DOCK7: variants seen among roughly 807,000 people sequenced by gnomAD.
The protein encoded by DOCK7 is dedicator of cytokinesis protein 7.
DOCK7 carries 138 observed loss-of-function variants against 271.0 expected under a neutral mutation model. The observed-to-expected ratio is 0.51, with a 90% CI of 0.44 to 0.59. The LOEUF (loss-of-function observed/expected upper bound fraction) is 0.59. Among genes scored for constraint, DOCK7 ranks in the 20% least tolerant of loss-of-function variants. The probability of loss-of-function intolerance (pLI) is 0.00; values close to 1 mark genes in which losing one functional copy is unlikely to be tolerated. For missense variants in DOCK7, 2,066 were observed against 2,592.4 expected, an observed-to-expected ratio of 0.80 and a Z score of 4.41; for synonymous variants, 823 against 876.1, an observed-to-expected ratio of 0.94 and a Z score of 1.07.
chr1:62,655,981 A>G (rs1009345302), intron 2 of DOCK7, among the ~76,000 whole-genome samples: 2 of 152,224 alleles, frequency 1.3e-5, no homozygotes, highest in Non-Finnish European at 2.9e-5. Flanking sequence ...TTCGAGCTCT[A>G]AAATTTTTTC....
chr1:62,590,507 T>C (rs931097243), intron 14 of DOCK7, among the ~76,000 whole-genome samples: 1 of 152,160 alleles, frequency 6.6e-6, no homozygotes, highest in African/African-American at 2.4e-5. Context: ...TCCAGTGTGA[T>C]AGGTACTGAG....
At chr1:62,654,405 A>T (rs1657739457) in intron 2 of DOCK7, among the ~76,000 whole-genome samples, 2 of 152,154 alleles carry the variant, frequency 1.3e-5, no homozygotes, top group Non-Finnish European at 2.9e-5. Flanking sequence ...ACTCTCACAT[A>T]AAAACACTAG....
At chr1:62,602,159 T>C in intron 14 of DOCK7, 1 of 769,810 alleles carries the variant, frequency 1.3e-6, no homozygotes, top group Middle Eastern at 3.8e-4. Context: ...TAATAAAATG[T>C]ATTGCCATAA....
intron 48 of DOCK7, among the ~76,000 whole-genome samples, chr1:62,465,965 A>G (rs1645665321): frequency 6.6e-6 from 1 of 152,264 alleles, no homozygotes; most frequent in Admixed American, 6.5e-5. Context: ...TCATTACACG[A>G]CAAGGCAAAG....
At chr1:62,475,586 G>A (rs1052380231) in intron 46 of DOCK7, 121 bp downstream of exon 46, 2 of 1,114,788 alleles carry the variant, frequency 1.8e-6, no homozygotes, top group Admixed American at 2.3e-5. Context: ...TCAAAAATGG[G>A]TAAAGTTCTA....
intron 14 of DOCK7, chr1:62,597,806 G>C: frequency 6.2e-7 from 1 of 1,613,372 alleles, no homozygotes; most frequent in Non-Finnish European, 8.5e-7. Context: ...TATTTGATCA[G>C]TCTTTTTATG....
At chr1:62,474,996 A>T (rs183338411) in intron 47 of DOCK7, among the ~76,000 whole-genome samples, 1 of 152,336 alleles carries the variant, frequency 6.6e-6, no homozygotes, top group Admixed American at 6.5e-5. Context: ...TGTTTTAAAG[A>T]TCACATTCTT....
Position 62,552,850 on chromosome 1 carries a change from G to A in DOCK7, c.2648C>T (p.Ala883Val), listed in dbSNP as rs780267717. The A allele has an allele frequency of 9.3e-6, 15 of 1,613,414 alleles. No individual in the cohort carries two copies. Among genetic ancestry groups the A allele is most frequent in the African/African-American group, 4.0e-5 (3 of 74,782 alleles). The part of the protein sequence containing the change: ...SVHYATMARS[A>V]VRPASLNLNR... ...TAAATTAAGGCTTGCAGGTCTCACCGCAGATCTAGCCATTGTGGCATAATG... is the reference window on the plus strand; with the variant it reads ...TAAATTAAGGCTTGCAGGTCTCACCACAGATCTAGCCATTGTGGCATAATG... Residue 883 changes from alanine to valine, a missense_variant, in exon 22 of 50, where the codon GCG (alanine) becomes GTG (valine). This residue lies in a region of DOCK7 where 1,414 missense variants were observed against 1,670.4 expected (regional missense o/e 0.85). Transcript: ENST00000635253.
intron 1 of DOCK7, among the ~76,000 whole-genome samples, chr1:62,687,424 T>C (rs1661913480): frequency 6.6e-6 from 1 of 152,246 alleles, no homozygotes; most frequent in African/African-American, 2.4e-5. Flanking sequence ...ACTTCAAGAC[T>C]GCTAACATAT....
intron 31 of DOCK7, among the ~76,000 whole-genome samples, chr1:62,527,477 A>G (rs1645043889): frequency 1.3e-5 from 2 of 152,120 alleles, no homozygotes; most frequent in Admixed American, 1.3e-4. Context: ...ATGTCCAACA[A>G]TGATAGACTG....
intron 29 of DOCK7, among the ~76,000 whole-genome samples, chr1:62,535,060 GC>G (rs61393465): frequency 0.35 from 53,792 of 151,934 alleles, 9,877 homozygotes; most frequent in African/African-American, 0.45. Context: ...CTGCACTCCA[GC>G]CCGGGTGACA....
chr1:62,669,721 G>A (rs1056831629), intron 1 of DOCK7, among the ~76,000 whole-genome samples: 2 of 152,050 alleles, frequency 1.3e-5, no homozygotes, highest in Non-Finnish European at 2.9e-5. Context: ...AGGTGACAGC[G>A]TGCTGGCAGT....
intron 2 of DOCK7, among the ~76,000 whole-genome samples, chr1:62,662,779 A>T (rs534165530): frequency 9.1e-4 from 139 of 152,250 alleles, no homozygotes; most frequent in African/African-American, 3.2e-3. Flanking sequence ...AAGAAAAAAA[A>T]GTTCTAAATG....
chr1:62,526,880 T>C (rs962337640), intron 31 of DOCK7, among the ~76,000 whole-genome samples: 7 of 152,188 alleles, frequency 4.6e-5, no homozygotes, highest in African/African-American at 1.2e-4. Flanking sequence ...GGCAATTCTA[T>C]AGATAGAAGT....
At chr1:62,634,560 A>C (rs1655022929) in intron 9 of DOCK7, 1 of 399,948 alleles carries the variant, frequency 2.5e-6, no homozygotes. Flanking sequence ...TATATATATA[A>C]TTCCTATTAG....
intron 21 of DOCK7, among the ~76,000 whole-genome samples, chr1:62,553,350 ATATATTTTTTTTTTTTTTT>A (rs1425916289): frequency 0.06 from 871 of 14,512 alleles, 4 homozygotes; most frequent in Non-Finnish European, 0.068. Flanking sequence ...ATATATATAT[ATATATTTTTTTTTTTTTTT>A]TTTTTTTTTT....
At chr1:62,553,836 C>T (rs555736576) in intron 21 of DOCK7, among the ~76,000 whole-genome samples, 38 of 122,628 alleles carry the variant, frequency 3.1e-4, no homozygotes, top group African/African-American at 9.3e-4. Context: ...CACACACAGA[C>T]GTGTGCGTGC....
chr1:62,612,169 A>C (rs1651879875), intron 14 of DOCK7, among the ~76,000 whole-genome samples: 1 of 152,118 alleles, frequency 6.6e-6, no homozygotes, highest in African/African-American at 2.4e-5. Flanking sequence ...CAAACACACA[A>C]AAAAGTCCTT....
intron 1 of DOCK7, among the ~76,000 whole-genome samples, chr1:62,679,990 C>T (rs1331168560): frequency 2.6e-5 from 4 of 152,112 alleles, no homozygotes; most frequent in African/African-American, 7.2e-5. Context: ...TCAATGCCAT[C>T]CCCATCAAGC....
Sources: gnomAD v4.1 joint callset for allele counts (sites outside exome capture counted in the v4.1 genomes callset) on GRCh38, gnomAD v4.1.1 for gene constraint, gnomAD v4.1.1 regional missense constraint, MANE v1.5 for transcripts, NCBI Gene and HGNC (gene_info 2026-07-23, HGNC 2026-07-21) for gene names.